The following RABGEF1 variants were observed in gnomAD, a reference collection of about 807,000 sequenced individuals.
RABGEF1 encodes the protein RAB guanine nucleotide exchange factor 1.
Under a neutral mutation model 57.3 loss-of-function variants are expected in RABGEF1, and 26 were observed. The ratio of observed to expected loss-of-function variants is 0.45; its 90% CI spans 0.33 to 0.63. The LOEUF (loss-of-function observed/expected upper bound fraction) is 0.63, where lower values mean the gene tolerates loss of function less well. RABGEF1 is among the 20% of genes least tolerant of loss of function. The pLI is 0.02. For missense variants in RABGEF1, 464 were observed against 607.6 expected (o/e 0.76, Z 2.48); for synonymous variants, 185 against 210.7 (o/e 0.88, Z 1.06).
chr7:66,799,108 C>G (rs1786700317), intron 6 of RABGEF1, among the ~76,000 whole-genome samples: 1 of 152,212 alleles, frequency 6.6e-6, no homozygotes, highest in South Asian at 2.1e-4. Flanking sequence ...AGCAAGATGG[C>G]CTTCCATTCT....
At chr7:66,678,552 G>A (rs1789458809), upstream of RABGEF1, among the ~76,000 whole-genome samples, 1 of 118,412 alleles carries the variant, frequency 8.4e-6, no homozygotes. Flanking sequence ...GTGACAGAGT[G>A]AGAGTCCGTC....
At chr7:66,792,777 A>G (rs144713113) in intron 4 of RABGEF1, among the ~76,000 whole-genome samples, 383 of 152,312 alleles carry the variant, frequency 2.5e-3, no homozygotes, top group Non-Finnish European at 3.9e-3. Context: ...TATTCATTCA[A>G]CCCATACTGA....
chr7:66,759,169 T>A (rs1226665078), intron 1 of RABGEF1, among the ~76,000 whole-genome samples: 1 of 152,246 alleles, frequency 6.6e-6, no homozygotes, highest in Non-Finnish European at 1.5e-5. Context: ...TCACATCCTG[T>A]GTCAGCAGTC....
intron 2 of RABGEF1, among the ~76,000 whole-genome samples, chr7:66,720,583 T>G (rs1795936573): frequency 6.6e-6 from 1 of 151,516 alleles, no homozygotes; most frequent in South Asian, 2.1e-4. Context: ...TACAAAAACT[T>G]AAAGCTAATA....
At chr7:66,692,599 T>C (rs1248358940) in intron 1 of RABGEF1, among the ~76,000 whole-genome samples, 1 of 152,176 alleles carries the variant, frequency 6.6e-6, no homozygotes, top group Non-Finnish European at 1.5e-5. Flanking sequence ...TCAACAATCC[T>C]GAGATCTGGG....
chr7:66,760,777 C>G (rs879324486), intron 1 of RABGEF1, among the ~76,000 whole-genome samples: 1 of 151,324 alleles, frequency 6.6e-6, no homozygotes, highest in Admixed American at 6.6e-5. Context: ...CTAATACTCA[C>G]GAGGGGAAGA....
intron 2 of RABGEF1, among the ~76,000 whole-genome samples, chr7:66,716,173 TAATC>T (rs1227958186): frequency 1.3e-5 from 2 of 152,240 alleles, no homozygotes; most frequent in African/African-American, 4.8e-5. Context: ...ATGTCCCTCT[TAATC>T]TATTGTAAAT....
intron 1 of RABGEF1, among the ~76,000 whole-genome samples, chr7:66,764,251 A>G (rs1331334612): frequency 6.6e-6 from 1 of 152,136 alleles, no homozygotes; most frequent in Non-Finnish European, 1.5e-5. Context: ...TCATATACTC[A>G]CGACTGTTTG....
At chr7:66,744,619 G>A (rs1057353918) in intron 1 of RABGEF1, among the ~76,000 whole-genome samples, 2 of 144,506 alleles carry the variant, frequency 1.4e-5, no homozygotes, top group Admixed American at 7.3e-5. Context: ...AGTGAGCCGA[G>A]ATGGCGCCAC....
chr7:66,771,366 C>T (rs1303799886), intron 1 of RABGEF1, among the ~76,000 whole-genome samples: 1 of 152,090 alleles, frequency 6.6e-6, no homozygotes, highest in African/African-American at 2.4e-5. Flanking sequence ...CTCTCAATCT[C>T]CTGATTTTGT....
intron 2 of RABGEF1, among the ~76,000 whole-genome samples, chr7:66,720,264 C>T (rs534363121): frequency 4.7e-5 from 7 of 148,042 alleles, no homozygotes; most frequent in Non-Finnish European, 1.0e-4. Context: ...GTGGCGCGAT[C>T]TCGGCTCACT....
intron 2 of RABGEF1, among the ~76,000 whole-genome samples, chr7:66,734,013 A>C (rs1406776643): frequency 6.6e-6 from 1 of 152,198 alleles, no homozygotes; most frequent in East Asian, 1.9e-4. Flanking sequence ...TCAAAAACAA[A>C]AAACAAAAAA....
chr7:66,708,265 T>C (rs777163914), intron 1 of RABGEF1, among the ~76,000 whole-genome samples: 4 of 151,932 alleles, frequency 2.6e-5, no homozygotes, highest in Non-Finnish European at 5.9e-5. Flanking sequence ...TTTATAGCCA[T>C]GTAGTTTGGG....
intron 1 of RABGEF1, among the ~76,000 whole-genome samples, chr7:66,686,453 CA>C (rs1790651667): frequency 6.6e-6 from 1 of 152,166 alleles, no homozygotes; most frequent in African/African-American, 2.4e-5. Flanking sequence ...GCCTGCGTGA[CA>C]GAGTGATACC....
chr7:66,720,633 A>C (rs1463319875), intron 2 of RABGEF1, among the ~76,000 whole-genome samples: 1 of 152,200 alleles, frequency 6.6e-6, no homozygotes, highest in Non-Finnish European at 1.5e-5. Flanking sequence ...CCCTAAGATT[A>C]GAAACAAGGC....
the RABGEF1 span, among the ~76,000 whole-genome samples, chr7:66,674,339 A>G: frequency 6.6e-6 from 1 of 151,688 alleles, no homozygotes; most frequent in Non-Finnish European, 1.5e-5. Context: ...ACAGGCACCC[A>G]CCACCACACC....
At chr7:66,738,288 G>A (rs1798283726), upstream of RABGEF1, among the ~76,000 whole-genome samples, 1 of 152,100 alleles carries the variant, frequency 6.6e-6, no homozygotes, top group South Asian at 2.1e-4. Context: ...CAAAGTGCTG[G>A]GATTACAGGC....
intron 1 of RABGEF1, among the ~76,000 whole-genome samples, chr7:66,711,838 G>A (rs1277821090): frequency 5.9e-5 from 9 of 151,992 alleles, no homozygotes; most frequent in South Asian, 4.2e-4. Flanking sequence ...TGCCCGCCTC[G>A]GCCTCCCAGA....
chr7:66,735,499 T>C (rs1227896026), intron 2 of RABGEF1, among the ~76,000 whole-genome samples: 1 of 152,230 alleles, frequency 6.6e-6, no homozygotes, highest in Non-Finnish European at 1.5e-5. Flanking sequence ...TCTGGGAGGT[T>C]GAAATGGTTT....
Sources: gnomAD v4.1 joint callset for allele counts (sites outside exome capture counted in the v4.1 genomes callset) on GRCh38, gnomAD v4.1.1 for gene constraint, MANE v1.5 for transcripts, NCBI Gene and HGNC (gene_info 2026-07-23, HGNC 2026-07-21) for gene names.